The following ERAP1 variants were observed in gnomAD, a reference collection of about 807,000 sequenced individuals.
The protein encoded by ERAP1 is endoplasmic reticulum aminopeptidase 1, also known as adipocyte-derived leucine aminopeptidase.
ERAP1 carries 86 observed loss-of-function variants against 103.7 expected under a neutral mutation model. That is an observed-to-expected ratio of 0.83 (90% confidence interval 0.70 to 0.99). ERAP1 has a LOEUF of 0.99. Ranked by LOEUF, ERAP1 falls within the 50% of genes least tolerant of loss-of-function variation. The pLI is 0.00. For missense variants in ERAP1, 1,009 were observed against 1,128.4 expected, an observed-to-expected ratio of 0.89 and a Z score of 1.52; for synonymous variants, 398 against 402.4, an observed-to-expected ratio of 0.99 and a Z score of 0.13.
chr5:96,917,387 C>T, the ERAP1 span: 1 of 1,322,034 alleles, frequency 7.6e-7, no homozygotes, highest in Non-Finnish European at 1.0e-6. Flanking sequence ...TCCCGAAGTG[C>T]TGGGATTACA....
chr5:96,767,605 A>C, intron 19 of ERAP1: 1 of 705,744 alleles, frequency 1.4e-6, no homozygotes, highest in Non-Finnish European at 2.4e-6. Context: ...TTGTCAAAGC[A>C]TGCATATAAA....
chr5:96,768,060 A>G (rs532097106), intron 19 of ERAP1: 2 of 1,064,928 alleles, frequency 1.9e-6, no homozygotes, highest in Non-Finnish European at 2.9e-6. Context: ...GTACATACAT[A>G]TAAGTTTTAT....
chr5:96,762,444 G>A (rs1768346535), exon 20 of ERAP1: 1 of 1,085,868 alleles, frequency 9.2e-7, no homozygotes, highest in Non-Finnish European at 1.3e-6. Context: ...TAGGGCGCCT[G>A]TTTAAAGCAA....
chr5:96,801,021 A>AT, intron 2 of ERAP1, 21 bp from the exon 3 acceptor site: 1 of 1,613,372 alleles, frequency 6.2e-7, no homozygotes, highest in Non-Finnish European at 8.5e-7. Context: ...GGCAAGTGAA[A>AT]TAAAAATTGA....
At chr5:96,926,671 T>C in the ERAP1 span, among the ~76,000 whole-genome samples, 3 of 152,244 alleles carry the variant, frequency 2.0e-5, no homozygotes, top group Non-Finnish European at 4.4e-5. Context: ...CAGTACTTTC[T>C]TTTTATTGTT....
chr5:96,767,361 T>C, intron 19 of ERAP1: 2 of 1,187,910 alleles, frequency 1.7e-6, no homozygotes, highest in South Asian at 2.5e-5. Context: ...CATGGGACAA[T>C]AGATTCTCTA....
the ERAP1 span, among the ~76,000 whole-genome samples, chr5:96,829,365 T>G: frequency 1.3e-5 from 2 of 152,256 alleles, no homozygotes; most frequent in African/African-American, 4.8e-5. Context: ...TGACTTGTTT[T>G]GATTTTTACT....
exon 20 of ERAP1, chr5:96,762,345 A>G: frequency 1.2e-6 from 2 of 1,604,920 alleles, no homozygotes; most frequent in Non-Finnish European, 1.7e-6. Context: ...CAACGACCCA[A>G]GCTGGAGCCC....
At chr5:96,815,195 A>C in the ERAP1 span, among the ~76,000 whole-genome samples, 2 of 152,194 alleles carry the variant, frequency 1.3e-5, no homozygotes, top group African/African-American at 4.8e-5. Context: ...GCATTGTGTT[A>C]GATTTGTTTT....
chr5:96,829,192 G>T, the ERAP1 span, among the ~76,000 whole-genome samples: 8 of 152,208 alleles, frequency 5.3e-5, no homozygotes, highest in African/African-American at 1.9e-4. Flanking sequence ...GTCCCCTAGG[G>T]TCCCAGTCCG....
chr5:96,798,348 T>C (rs1335632832), intron 3 of ERAP1, among the ~76,000 whole-genome samples: 1 of 130,196 alleles, frequency 7.7e-6, no homozygotes, highest in African/African-American at 2.7e-5. Context: ...AAAAAAGATT[T>C]GCTTCATTTG....
the ERAP1 span, chr5:96,917,523 T>C: frequency 2.2e-5 from 35 of 1,613,990 alleles, no homozygotes; most frequent in East Asian, 7.1e-4. Context: ...TTTCAAACTG[T>C]TCTGGAAACG....
At chr5:96,831,528 C>T in the ERAP1 span, among the ~76,000 whole-genome samples, 5 of 152,126 alleles carry the variant, frequency 3.3e-5, no homozygotes, top group African/African-American at 4.8e-5. Context: ...GGAAAGAGCA[C>T]GTTCCTTTAA....
chr5:96,873,666 G>A, the ERAP1 span: 1 of 325,096 alleles, frequency 3.1e-6, no homozygotes, highest in Non-Finnish European at 6.2e-6. Flanking sequence ...AGCAAGTGTT[G>A]GGCAATCTAA....
At chr5:96,915,784 G>GT in the ERAP1 span, 1 of 1,570,314 alleles carries the variant, frequency 6.4e-7, no homozygotes, top group Middle Eastern at 1.7e-4. Flanking sequence ...GTGACTTTCT[G>GT]TTTTTAACAA....
the ERAP1 span, among the ~76,000 whole-genome samples, chr5:96,905,691 C>A: frequency 6.6e-6 from 1 of 152,016 alleles, no homozygotes; most frequent in African/African-American, 2.4e-5. Context: ...TGAGATCAGC[C>A]TGGGCAACAT....
chr5:96,793,827 A>G lies in ERAP1; in HGVS notation c.1050T>C (p.Thr350=). 5.6e-6 allele frequency: 9 copies of G among 1,614,034 alleles called. No individual in the cohort carries two copies. Among genetic ancestry groups the G allele is most frequent in the Non-Finnish European group, 7.6e-6 (9 of 1,179,892 alleles). Residue 350 remains threonine, a synonymous_variant, in exon 6 of 19, where the codon ACT becomes ACC. Transcript: ENST00000443439. Reference sequence around the variant, plus strand: ...CCTGGTGAGCCAGTTCATGGGCCACAGTCATTGTGATGCCAAGCTTACTTG... The same window carrying G: ...CCTGGTGAGCCAGTTCATGGGCCACGGTCATTGTGATGCCAAGCTTACTTG... ...SASSKLGITM[T]VAHELAHQWF...
downstream of ERAP1, chr5:96,770,263 A>T: frequency 2.4e-6 from 1 of 420,620 alleles, no homozygotes; most frequent in South Asian, 2.7e-5. Context: ...TGATTAGCAA[A>T]ATAAGGTCTG....
At chr5:96,771,606 A>G (rs956488627), downstream of ERAP1, 11 of 1,584,200 alleles carry the variant, frequency 6.9e-6, no homozygotes, top group African/African-American at 1.2e-4. Context: ...CTTAATACAG[A>G]AAAGAAAGCT....
Sources: allele counts gnomAD v4.1 joint callset (sites outside exome capture counted in the v4.1 genomes callset), GRCh38; gene constraint gnomAD v4.1.1; transcripts MANE v1.5; gene names NCBI Gene and HGNC (gene_info 2026-07-23, HGNC 2026-07-21).